Variants in ST6GALNAC3 observed in about 807,000 individuals in gnomAD.
The protein encoded by ST6GALNAC3 is ST6 N-acetylgalactosaminide alpha-2,6-sialyltransferase 3.
In ST6GALNAC3, 25 loss-of-function variants were observed where a neutral mutation model predicts 32.7. The observed-to-expected ratio is 0.76, with a 90% CI of 0.56 to 1.07. The LOEUF (loss-of-function observed/expected upper bound fraction) is 1.07. ST6GALNAC3 is among the 50% of genes least tolerant of loss of function. ST6GALNAC3 has a pLI of 0.00. For synonymous variants in ST6GALNAC3, 129 were observed against 133.1 expected (o/e 0.97, Z 0.21); for missense variants, 355 against 382.4 (o/e 0.93, Z 0.60).
At chr1:76,571,745 T>A (rs315020) in intron 3 of ST6GALNAC3, among the ~76,000 whole-genome samples, 1 of 151,998 alleles carries the variant, frequency 6.6e-6, no homozygotes, top group Non-Finnish European at 1.5e-5. Flanking sequence ...CATCCTGGTA[T>A]GTACATGTTA....
At chr1:76,607,459 A>C (rs1647636182) in intron 3 of ST6GALNAC3, among the ~76,000 whole-genome samples, 1 of 152,176 alleles carries the variant, frequency 6.6e-6, no homozygotes, top group South Asian at 2.1e-4. Flanking sequence ...CCTGGCAACT[A>C]GCCCTATCCT....
chr1:76,612,157 C>A (rs963926872), intron 3 of ST6GALNAC3, among the ~76,000 whole-genome samples: 1 of 152,108 alleles, frequency 6.6e-6, no homozygotes, highest in Non-Finnish European at 1.5e-5. Flanking sequence ...ATAGAATATG[C>A]CAACATTTTG....
chr1:76,232,649 A>C (rs747650232), intron 1 of ST6GALNAC3, among the ~76,000 whole-genome samples: 15 of 152,196 alleles, frequency 9.9e-5, no homozygotes, highest in Non-Finnish European at 1.6e-4. Flanking sequence ...ACTGTATCAC[A>C]GCTCCCTGTC....
chr1:76,485,741 T>G (rs1308394019), intron 3 of ST6GALNAC3, among the ~76,000 whole-genome samples: 1 of 152,234 alleles, frequency 6.6e-6, no homozygotes, highest in Non-Finnish European at 1.5e-5. Context: ...TTCTCTGATC[T>G]TAGCTATTTC....
At chr1:76,469,897 G>T (rs1015014479) in intron 3 of ST6GALNAC3, among the ~76,000 whole-genome samples, 5 of 151,992 alleles carry the variant, frequency 3.3e-5, no homozygotes, top group African/African-American at 1.2e-4. Context: ...TTTGCCCAGG[G>T]GTTACAAGGA....
At chr1:76,458,950 A>C (rs1658074160) in intron 3 of ST6GALNAC3, among the ~76,000 whole-genome samples, 1 of 152,168 alleles carries the variant, frequency 6.6e-6, no homozygotes, top group Non-Finnish European at 1.5e-5. Context: ...GTTCACATGA[A>C]TCTTGCATCT....
At chr1:76,268,948 C>G (rs796626531) in intron 1 of ST6GALNAC3, among the ~76,000 whole-genome samples, 2 of 152,188 alleles carry the variant, frequency 1.3e-5, no homozygotes, top group Non-Finnish European at 2.9e-5. Context: ...CTACACATTT[C>G]GGCACTTTAT....
At chr1:76,426,909 G>A (rs548253155) in intron 3 of ST6GALNAC3, among the ~76,000 whole-genome samples, 159 of 152,094 alleles carry the variant, frequency 1.0e-3, no homozygotes, top group African/African-American at 3.5e-3. Context: ...TCACTGTGTG[G>A]CACATGATTG....
intron 3 of ST6GALNAC3, among the ~76,000 whole-genome samples, chr1:76,480,817 C>T (rs1241404410): frequency 3.3e-5 from 5 of 152,066 alleles, no homozygotes; most frequent in Non-Finnish European, 4.4e-5. Flanking sequence ...TAATATCAAC[C>T]ACAATCAAAA....
intron 2 of ST6GALNAC3, among the ~76,000 whole-genome samples, chr1:76,387,077 T>C (rs1652154130): frequency 6.6e-6 from 1 of 152,180 alleles, no homozygotes; most frequent in Admixed American, 6.5e-5. Flanking sequence ...TATCTCAAAG[T>C]TCCCAAGATT....
chr1:76,138,348 G>GT (rs534714397), intron 1 of ST6GALNAC3, among the ~76,000 whole-genome samples: 1 of 151,932 alleles, frequency 6.6e-6, no homozygotes, highest in Non-Finnish European at 1.5e-5. Context: ...TTCCTTGAAA[G>GT]TTTTTTTTCT....
At chr1:76,338,366 A>G (rs558296923) in intron 2 of ST6GALNAC3, among the ~76,000 whole-genome samples, 2 of 152,274 alleles carry the variant, frequency 1.3e-5, no homozygotes, top group East Asian at 3.9e-4. Context: ...GATGCAGCCA[A>G]ATGTATTTCA....
chr1:76,075,017 C>T (rs1646793584), intron 1 of ST6GALNAC3, 133 bp downstream of exon 1: 1 of 1,229,518 alleles, frequency 8.1e-7, no homozygotes. Flanking sequence ...CTTTTTGTTC[C>T]TTTGGCAAAT....
At chr1:76,358,138 C>A (rs191208511) in intron 2 of ST6GALNAC3, among the ~76,000 whole-genome samples, 4 of 152,130 alleles carry the variant, frequency 2.6e-5, no homozygotes, top group East Asian at 3.9e-4. Flanking sequence ...GGCTTTTTTG[C>A]CCCTATCGAA....
chr1:76,497,388 T>A (rs1401811415), intron 3 of ST6GALNAC3, among the ~76,000 whole-genome samples: 1 of 152,114 alleles, frequency 6.6e-6, no homozygotes, highest in Admixed American at 6.6e-5. Flanking sequence ...GGAAGAGCCA[T>A]AGCAAAGTCC....
intron 1 of ST6GALNAC3, among the ~76,000 whole-genome samples, chr1:76,080,961 T>G (rs1373803624): frequency 6.6e-6 from 1 of 152,190 alleles, no homozygotes; most frequent in Non-Finnish European, 1.5e-5. Flanking sequence ...TTGTGGGGAA[T>G]GAGTGGCTTG....
At chr1:76,475,136 C>T (rs1659269116) in intron 3 of ST6GALNAC3, among the ~76,000 whole-genome samples, 1 of 152,138 alleles carries the variant, frequency 6.6e-6, no homozygotes, top group African/African-American at 2.4e-5. Context: ...ATTGCTACTT[C>T]CCACTCACCA....
intron 3 of ST6GALNAC3, among the ~76,000 whole-genome samples, chr1:76,441,671 T>A (rs1420411031): frequency 6.6e-6 from 1 of 152,214 alleles, no homozygotes; most frequent in Non-Finnish European, 1.5e-5. Context: ...ATTAAATTAT[T>A]GACTATAGTC....
chr1:76,125,228 G>C (rs1649163310), intron 1 of ST6GALNAC3, among the ~76,000 whole-genome samples: 1 of 152,138 alleles, frequency 6.6e-6, no homozygotes, highest in Non-Finnish European at 1.5e-5. Flanking sequence ...AGAGTCAAAG[G>C]TCAGTCAGTT....
Sources: gnomAD v4.1 joint callset for allele counts (sites outside exome capture counted in the v4.1 genomes callset) on GRCh38, gnomAD v4.1.1 for gene constraint, MANE v1.5 for transcripts, NCBI Gene and HGNC (gene_info 2026-07-23, HGNC 2026-07-21) for gene names.